The following ZEB1 variants were observed in gnomAD, a reference collection of about 807,000 sequenced individuals.
The protein encoded by ZEB1 is zinc finger E-box-binding homeobox 1.
A neutral mutation model predicts 84.9 loss-of-function variants in ZEB1; 21 were observed. The ratio of observed to expected loss-of-function variants is 0.25; its 90% CI spans 0.18 to 0.36. The LOEUF is 0.36. ZEB1 is among the 10% of genes least tolerant of loss of function. The probability of loss-of-function intolerance (pLI) is 1.00; values close to 1 mark genes in which losing one functional copy is unlikely to be tolerated. For synonymous variants in ZEB1, 420 were observed against 471.1 expected (o/e 0.89, Z 1.41); for missense variants, 1,104 against 1,330.2 (o/e 0.83, Z 2.65).
intron 1 of ZEB1, among the ~76,000 whole-genome samples, chr10:31,448,724 A>G (rs1037355054): frequency 6.6e-6 from 1 of 152,042 alleles, no homozygotes; most frequent in Non-Finnish European, 1.5e-5. Flanking sequence ...TTAGGCTGCT[A>G]AGGGGTCAGG....
chr10:31,518,837 A>G lies in ZEB1; in HGVS notation c.794-1289A>G, dbSNP rs144662892. 1.9e-4 allele frequency among the ~76,000 whole-genome samples: 29 copies of G among 152,286 alleles called. No individual in the cohort carries two copies. The East Asian group carries it at 5.4e-3, about 28-fold the overall frequency. On this transcript the variant is annotated intron_variant, in intron 6 of 8. Coordinates refer to ENST00000424869, the MANE Select transcript of ZEB1 (RefSeq NM_001174096.2). ...TCTTCATTGAAAAGGAGGCTGTACT[A>G]CAAGGGTTTCTTAAATCTCTTCCAA...
At chr10:31,425,763 T>G (rs2056848659) in intron 1 of ZEB1, among the ~76,000 whole-genome samples, 1 of 152,112 alleles carries the variant, frequency 6.6e-6, no homozygotes, top group African/African-American at 2.4e-5. Context: ...ATTTTTCAAG[T>G]CTGAGAAATT....
intron 2 of ZEB1, among the ~76,000 whole-genome samples, chr10:31,467,238 C>T (rs1218896248): frequency 6.6e-6 from 1 of 152,112 alleles, no homozygotes. Flanking sequence ...GGAGGAGCTG[C>T]CTGGAGACCA....
intron 1 of ZEB1, among the ~76,000 whole-genome samples, chr10:31,349,418 T>A (rs2040906153): frequency 6.6e-6 from 1 of 152,150 alleles, no homozygotes; most frequent in African/African-American, 2.4e-5. Context: ...CTGATTTCAT[T>A]TCTTTTGTAT....
chr10:31,518,567 A>G (rs191527880), intron 6 of ZEB1, among the ~76,000 whole-genome samples: 1 of 152,272 alleles, frequency 6.6e-6, no homozygotes, highest in East Asian at 1.9e-4. Flanking sequence ...TTTGCTATAT[A>G]ATCTCATATG....
chr10:31,402,110 CTGTTGTTGT>C (rs541378977), intron 1 of ZEB1, among the ~76,000 whole-genome samples: 23 of 151,032 alleles, frequency 1.5e-4, no homozygotes, highest in Middle Eastern at 3.4e-3. Flanking sequence ...GTTGTTGTTG[CTGTTGTTGT>C]TGTTGTTGTT....
At chr10:31,462,504 A>G (rs143575072) in intron 2 of ZEB1, among the ~76,000 whole-genome samples, 320 of 152,348 alleles carry the variant, frequency 2.1e-3, no homozygotes, top group African/African-American at 6.9e-3. Context: ...GAGAAGTCGT[A>G]GAAGAGTTCT....
At chr10:31,319,151 GA>G, upstream of ZEB1, 2 of 882,026 alleles carry the variant, frequency 2.3e-6, no homozygotes, top group Non-Finnish European at 3.5e-6. Flanking sequence ...GGGGAGGGGG[GA>G]GGGGTGGAGG....
Position 31,452,728 on chromosome 10 carries a change from TGTGTGTGTGTGTGTGAGAGAGA to T in ZEB1, c.59-8307_59-8286del, listed in dbSNP as rs1192172632. 5.6e-3 allele frequency among the ~76,000 whole-genome samples: 695 copies of T among 123,776 alleles called. 6 individuals carry two copies. The highest frequency in any genetic ancestry group is 0.025 in the African/African-American group (641 of 25,494). 81.2% of individuals were successfully genotyped at this position (123,776 alleles called of 152,430 possible). A position where few individuals can be genotyped will look rare whatever the true frequency, so the allele number is the denominator to read the frequency against. ...GTGTGTGTGTGTGTGTGTGTGTGTG[TGTGTGTGTGTGTGTGAGAGAGA>T]GAGAGAGAGAGAGAGAGAGAGAGAG... On this transcript the variant is annotated intron_variant, in intron 1 of 8. Transcript: ENST00000424869.
chr10:31,470,900 G>A (rs1273918539), intron 2 of ZEB1, among the ~76,000 whole-genome samples: 2 of 138,812 alleles, frequency 1.4e-5, no homozygotes, highest in African/African-American at 2.7e-5. Flanking sequence ...GAGAGTGGGG[G>A]CCAATATTCA....
chr10:31,490,636 A>G (rs1240253036), intron 2 of ZEB1, among the ~76,000 whole-genome samples: 2 of 151,518 alleles, frequency 1.3e-5, no homozygotes, highest in African/African-American at 4.8e-5. Context: ...AGTTGTCTTA[A>G]TGTCTTAGTT....
intron 2 of ZEB1, among the ~76,000 whole-genome samples, chr10:31,475,573 C>G (rs1024561162): frequency 6.6e-6 from 1 of 152,112 alleles, no homozygotes; most frequent in Non-Finnish European, 1.5e-5. Flanking sequence ...ATGAAGGAAG[C>G]TCATCAACCT....
Position 31,321,355 on chromosome 10 carries a change from A to G in ZEB1, c.58+2063A>G, listed in dbSNP as rs151244605. On this transcript the variant is annotated intron_variant, in intron 1 of 8. Coordinates refer to ENST00000424869, the MANE Select transcript of ZEB1 (RefSeq NM_001174096.2). ...TTATTCAAATAAACACTTGCATTTTAAAGACGTCTGTTGATTATAAACGAA... is the reference window on the plus strand; with the variant it reads ...TTATTCAAATAAACACTTGCATTTTGAAGACGTCTGTTGATTATAAACGAA... 4.0e-5 allele frequency: 60 copies of G among 1,494,840 alleles called. 1 individual carries two copies. In the East Asian group the frequency reaches 1.2e-3, roughly 30 times the overall value. The allele number at this position is 1,494,840 out of a possible 1,614,324, so 92.6% of individuals were successfully genotyped here.
chr10:31,479,113 A>ACTAGTATAACACTAGT (rs1224441979), intron 2 of ZEB1, among the ~76,000 whole-genome samples: 1 of 151,916 alleles, frequency 6.6e-6, no homozygotes, highest in Non-Finnish European at 1.5e-5. Flanking sequence ...TGTTATGAAC[A>ACTAGTATAACACTAGT]GTTATACACT....
At chr10:31,457,317 C>A (rs2061352276) in intron 1 of ZEB1, among the ~76,000 whole-genome samples, 1 of 152,096 alleles carries the variant, frequency 6.6e-6, no homozygotes, top group Non-Finnish European at 1.5e-5. Context: ...TTTAAATAAG[C>A]TGTGTAGATC....
intron 1 of ZEB1, among the ~76,000 whole-genome samples, chr10:31,380,460 C>CT (rs752529749): frequency 6.6e-6 from 1 of 152,074 alleles, no homozygotes; most frequent in Non-Finnish European, 1.5e-5. Flanking sequence ...TTGTCATACT[C>CT]TTATCAATGC....
Position 31,523,998 on chromosome 10 carries a change from T to C in ZEB1, c.2670T>C (p.Ser890=). ...TAGAGGATCAGAATGACTCTGATTC[T>C]ACACCGCCCAAAAAGAAAATGCGGA... ...SNVEDQNDSD[S]TPPKKKMRKT... Residue 890 remains serine (S), a synonymous_variant, in exon 8 of 9, where the codon TCT becomes TCC. Transcript: ENST00000424869. 2 of 1,613,978 alleles carry C rather than the reference T, an allele frequency of 1.2e-6. No individual in the cohort carries two copies. Among genetic ancestry groups the C allele is most frequent in the Non-Finnish European group, 1.7e-6 (2 of 1,179,938 alleles).
intron 1 of ZEB1, among the ~76,000 whole-genome samples, chr10:31,399,340 C>A (rs1457371594): frequency 6.6e-6 from 1 of 152,054 alleles, no homozygotes; most frequent in East Asian, 1.9e-4. Flanking sequence ...AATTCCTCAT[C>A]TTTCCCCCAC....
At chr10:31,464,540 A>G (rs535827713) in intron 2 of ZEB1, among the ~76,000 whole-genome samples, 1 of 152,208 alleles carries the variant, frequency 6.6e-6, no homozygotes, top group Admixed American at 6.6e-5. Flanking sequence ...GGACATTCAG[A>G]TCTGTAAAGA....
Sources: allele counts gnomAD v4.1 joint callset (sites outside exome capture counted in the v4.1 genomes callset), GRCh38; gene constraint gnomAD v4.1.1; transcripts MANE v1.5; gene names NCBI Gene and HGNC (gene_info 2026-07-23, HGNC 2026-07-21).